ABCC1: variants seen among roughly 807,000 people sequenced by gnomAD.
The protein encoded by ABCC1 is multidrug resistance-associated protein 1.
A neutral mutation model predicts 172.9 loss-of-function variants in ABCC1; 83 were observed. The ratio of observed to expected loss-of-function variants is 0.48; its 90% confidence interval spans 0.40 to 0.58. The LOEUF is 0.58. Among genes scored for constraint, ABCC1 ranks in the 20% least tolerant of loss-of-function variants. The probability of loss-of-function intolerance (pLI) is 0.00; values close to 1 mark genes in which losing one functional copy is unlikely to be tolerated. For synonymous variants in ABCC1, 937 were observed against 825.2 expected (o/e 1.14, Z -2.32); for missense variants, 1,817 against 2,002.7 (o/e 0.91, Z 1.77).
At position 15,953,178 on chromosome 16, in the gene ABCC1, A is replaced by T. The variant is rs540626919; in HGVS notation, c.48+3379A>T. ...TGGCAAAACCCCATCCCTACTAAAA[A>T]TACAAAAATTAGCTGGGCCTGGTGA... On this transcript the variant is annotated intron_variant, in intron 1 of 30. Coordinates refer to ENST00000399410, the MANE Select transcript of ABCC1 (RefSeq NM_004996.4). 6.2e-4 allele frequency among the ~76,000 whole-genome samples: 95 copies of T among 152,130 alleles called. 1 individual carries two copies. In the South Asian group the frequency reaches 6.4e-3, roughly 10 times the overall value.
At chr16:16,101,977 G>C (rs1366491298) in intron 19 of ABCC1, among the ~76,000 whole-genome samples, 1 of 152,184 alleles carries the variant, frequency 6.6e-6, no homozygotes, top group Non-Finnish European at 1.5e-5. Context: ...AATCAGGGAA[G>C]GGTCCACTTT....
intron 12 of ABCC1, among the ~76,000 whole-genome samples, chr16:16,065,631 C>A (rs1280783577): frequency 6.6e-6 from 1 of 152,116 alleles, no homozygotes; most frequent in Admixed American, 6.6e-5. Flanking sequence ...CAGGGTTTTG[C>A]CCTGTCAGAC....
chr16:16,010,281 C>A (rs1412687317), intron 3 of ABCC1, among the ~76,000 whole-genome samples: 2 of 151,978 alleles, frequency 1.3e-5, no homozygotes, highest in African/African-American at 4.8e-5. Context: ...TCTTAGACTC[C>A]TGGCCTCAAG....
intron 1 of ABCC1, among the ~76,000 whole-genome samples, chr16:16,006,872 G>A (rs530227059): frequency 0.017 from 1,263 of 76,002 alleles, 7 homozygotes; most frequent in Non-Finnish European, 0.037. Context: ...TGGCGGTGGC[G>A]GTGGCGGTGA....
chr16:16,105,149 C>T (rs2052020060), intron 20 of ABCC1, among the ~76,000 whole-genome samples: 1 of 152,220 alleles, frequency 6.6e-6, no homozygotes, highest in South Asian at 2.1e-4. Flanking sequence ...GCACAGAGAG[C>T]GAGCGAGGGC....
chr16:16,011,432 G>A (rs908233712), intron 3 of ABCC1, among the ~76,000 whole-genome samples: 2 of 152,020 alleles, frequency 1.3e-5, no homozygotes, highest in African/African-American at 2.4e-5. Flanking sequence ...AGACAACGTG[G>A]AGCCAGGTTG....
At position 16,120,086 on chromosome 16, in the gene ABCC1, C is replaced by T. The variant is rs374189600; in HGVS notation, c.3391-1889C>T. Reference sequence around the variant, plus strand: ...CTCTCCATCTGTGGGTTGCAATTAACGCCCGTGCCGCCACCCAGGAAGAAG... The same window carrying T: ...CTCTCCATCTGTGGGTTGCAATTAATGCCCGTGCCGCCACCCAGGAAGAAG... On this transcript the variant is annotated intron_variant, in intron 23 of 30. Transcript: ENST00000399410. Among the ~76,000 whole-genome samples the T allele has an allele frequency of 1.8e-4, 27 of 152,226 alleles. No homozygotes were observed. The South Asian group carries it at 3.7e-3, about 21-fold the overall frequency.
chr16:16,124,136 G>A (rs766287676), intron 24 of ABCC1, among the ~76,000 whole-genome samples: 5 of 152,112 alleles, frequency 3.3e-5, no homozygotes, highest in South Asian at 4.2e-4. Flanking sequence ...ATGTTTACTC[G>A]TACTAGTTAC....
At chr16:16,141,055 C>G in intron 30 of ABCC1, 118 bp from the exon 31 acceptor site, 6 of 783,216 alleles carry the variant, frequency 7.7e-6, no homozygotes, top group Non-Finnish European at 1.3e-5. Context: ...TGCACCAGTC[C>G]TAGCAAAAAG....
At chr16:16,103,516 G>C (rs1216399499) in intron 20 of ABCC1, among the ~76,000 whole-genome samples, 2 of 152,184 alleles carry the variant, frequency 1.3e-5, no homozygotes, top group Admixed American at 6.6e-5. Flanking sequence ...GGAGGTGGAG[G>C]TTGCAGTGAG....
Position 16,111,495 on chromosome 16 carries a change from C to T in ABCC1, c.2992C>T (p.Leu998Phe). 1 of 1,614,154 alleles carries T rather than the reference C, an allele frequency of 6.2e-7. No homozygotes were observed. Among genetic ancestry groups the T allele is most frequent in the East Asian group, 2.2e-5 (1 of 44,882 alleles). ...GCTGGCTTCCAACTATTGGCTCAGC[C>T]TCTGGACTGATGACCCCATCGTCAA... ...SALASNYWLS[L>F]WTDDPIVNGT... The change falls in exon 22 of 31, where the codon CTC becomes TTC. Residue 998 changes from leucine (L) to phenylalanine (F), a missense_variant. By Grantham distance (22) the Leu-to-Phe change is conservative (BLOSUM62 0). Around this residue, in one of 3 missense-constraint regions of ABCC1, gnomAD observed 1,412 missense variants for 1,600.3 expected, o/e 0.88. Coordinates refer to ENST00000399410, the MANE Select transcript of ABCC1 (RefSeq NM_004996.4).
chr16:16,018,031 G>T (rs1266109818), intron 5 of ABCC1, among the ~76,000 whole-genome samples: 2 of 152,170 alleles, frequency 1.3e-5, no homozygotes, highest in African/African-American at 4.8e-5. Flanking sequence ...GGGTTTTATT[G>T]TGAGTATGGG....
intron 1 of ABCC1, among the ~76,000 whole-genome samples, chr16:15,963,164 A>G (rs1281967085): frequency 6.6e-6 from 1 of 152,238 alleles, no homozygotes; most frequent in Non-Finnish European, 1.5e-5. Context: ...AAAACTTTCA[A>G]GTTCCATAGT....
chr16:16,124,681 G>A, intron 24 of ABCC1, 108 bp from the exon 25 acceptor site: 1 of 1,481,338 alleles, frequency 6.8e-7, no homozygotes, highest in Non-Finnish European at 9.3e-7. Flanking sequence ...AATTACTGCG[G>A]AGTTACTTGA....
intron 19 of ABCC1, among the ~76,000 whole-genome samples, chr16:16,099,637 T>A (rs921155715): frequency 6.6e-6 from 1 of 152,148 alleles, no homozygotes; most frequent in Admixed American, 6.5e-5. Flanking sequence ...CTGTCTTTGG[T>A]CCTTGTAGAC....
At chr16:16,023,704 C>A (rs1426053598) in intron 5 of ABCC1, among the ~76,000 whole-genome samples, 1 of 152,056 alleles carries the variant, frequency 6.6e-6, no homozygotes, top group Non-Finnish European at 1.5e-5. Context: ...GAGGGAAGTG[C>A]TGGGAGTTGT....
chr16:16,066,776 C>T (rs772255109), intron 12 of ABCC1, among the ~76,000 whole-genome samples: 15 of 151,716 alleles, frequency 9.9e-5, no homozygotes, highest in Middle Eastern at 3.4e-3. Flanking sequence ...TGGTGGTGGG[C>T]GCCTATAATC....
rs757990299 is a variant in ABCC1, at chr16:16,141,658, G to T, written c.*377G>T. On this transcript the variant is annotated 3_prime_UTR_variant, in exon 31 of 31. Coordinates refer to ENST00000399410, the MANE Select transcript of ABCC1 (RefSeq NM_004996.4). ...TAGAAGATCCTAGTGACCAAATTCAGCCTACTGCCTCGGATCTCTCCAGCC... is the reference window on the plus strand; with the variant it reads ...TAGAAGATCCTAGTGACCAAATTCATCCTACTGCCTCGGATCTCTCCAGCC... 63 of 220,598 alleles carry T rather than the reference G, an allele frequency of 2.9e-4. No individual in the cohort carries two copies. The highest frequency in any genetic ancestry group is 4.6e-4 in the Non-Finnish European group (51 of 111,282). 13.7% of individuals were successfully genotyped at this position (220,598 alleles called of 1,614,324 possible). A position where few individuals can be genotyped will look rare whatever the true frequency, so the allele number is the denominator to read the frequency against.
At chr16:16,059,004 C>T (rs1307806826) in intron 12 of ABCC1, among the ~76,000 whole-genome samples, 1 of 151,874 alleles carries the variant, frequency 6.6e-6, no homozygotes, top group East Asian at 1.9e-4. Context: ...CCCAAATTTT[C>T]AGTTTTAGTA....
Sources: allele counts gnomAD v4.1 joint callset (sites outside exome capture counted in the v4.1 genomes callset), GRCh38; gene constraint gnomAD v4.1.1; regional missense constraint gnomAD v4.1.1; transcripts MANE v1.5; gene names NCBI Gene and HGNC (gene_info 2026-07-23, HGNC 2026-07-21).